PKIG: variants seen among roughly 807,000 people sequenced by gnomAD.
PKIG encodes cAMP-dependent protein kinase inhibitor gamma.
Under a neutral mutation model 6.8 loss-of-function variants are expected in PKIG, and 1 was observed. The observed-to-expected ratio is 0.15, with a 90% CI of 0.05 to 0.69. The LOEUF is 0.69. PKIG is among the 30% of genes least tolerant of loss of function. The pLI is 0.82. For missense variants in PKIG, 77 were observed against 104.0 expected, an observed-to-expected ratio of 0.74 and a Z score of 1.13; for synonymous variants, 39 against 43.0, an observed-to-expected ratio of 0.91 and a Z score of 0.36.
chr20:44,546,570 T>TTTTTTTTTTTTA (rs1568804725), intron 1 of PKIG, among the ~76,000 whole-genome samples: 8 of 151,640 alleles, frequency 5.3e-5, no homozygotes, highest in African/African-American at 7.3e-5. Flanking sequence ...CTTTTTTTTT[T>TTTTTTTTTTTTA]GAGACAGAGT....
At chr20:44,540,588 T>G (rs2064552649) in intron 1 of PKIG, among the ~76,000 whole-genome samples, 1 of 152,048 alleles carries the variant, frequency 6.6e-6, no homozygotes. Flanking sequence ...TGTTTTTGTT[T>G]GAGATGGAGT....
chr20:44,571,834 A>G (rs963399986), intron 1 of PKIG, among the ~76,000 whole-genome samples: 2 of 152,218 alleles, frequency 1.3e-5, no homozygotes, highest in Non-Finnish European at 2.9e-5. Context: ...GGCAATGGGC[A>G]TTGGTGAACA....
upstream of PKIG, among the ~76,000 whole-genome samples, chr20:44,579,326 G>A (rs2064927525): frequency 6.6e-6 from 1 of 152,238 alleles, no homozygotes; most frequent in South Asian, 2.1e-4. Context: ...AACAGCCAAA[G>A]TTTCCTTCAT....
intron 2 of PKIG, among the ~76,000 whole-genome samples, chr20:44,595,753 C>T (rs535740773): frequency 5.9e-5 from 9 of 152,186 alleles, no homozygotes; most frequent in African/African-American, 2.2e-4. Flanking sequence ...ACCTCGTGAT[C>T]CGCCAGCCTT....
intron 1 of PKIG, among the ~76,000 whole-genome samples, chr20:44,555,848 A>AT (rs1324578914): frequency 6.6e-6 from 1 of 151,930 alleles, no homozygotes; most frequent in Admixed American, 6.6e-5. Flanking sequence ...ATTTTATTTT[A>AT]TTTTTTTGAG....
chr20:44,541,196 G>A (rs1246534698), intron 1 of PKIG, among the ~76,000 whole-genome samples: 2 of 152,208 alleles, frequency 1.3e-5, no homozygotes, highest in Admixed American at 6.5e-5. Flanking sequence ...TAGTGACATC[G>A]GCAATGAAGG....
At chr20:44,568,632 G>A (rs187469485) in intron 1 of PKIG, among the ~76,000 whole-genome samples, 1 of 152,152 alleles carries the variant, frequency 6.6e-6, no homozygotes, top group Non-Finnish European at 1.5e-5. Flanking sequence ...TGTAATTTTA[G>A]TAGAGACGGC....
intron 1 of PKIG, chr20:44,532,041 CAG>C (rs1324508999): frequency 2.0e-5 from 3 of 152,184 alleles, no homozygotes; most frequent in Non-Finnish European, 4.4e-5. Context: ...CGACACGTCG[CAG>C]GGGGCGAGGG....
At chr20:44,586,648 C>T (rs774385865) in intron 1 of PKIG, among the ~76,000 whole-genome samples, 3 of 152,128 alleles carry the variant, frequency 2.0e-5, no homozygotes, top group East Asian at 1.9e-4. Flanking sequence ...AATGCTTTCA[C>T]GAGGGGCCAG....
intron 1 of PKIG, among the ~76,000 whole-genome samples, chr20:44,588,459 T>C (rs922117335): frequency 2.0e-5 from 3 of 151,750 alleles, no homozygotes. Context: ...CTGGCCAACA[T>C]GGTGAAACCC....
rs1368889340 is a variant in PKIG at position 44,574,352 on chromosome 20, T to TC, written c.-240-8233_-240-8232insC. Among the ~76,000 whole-genome samples the TC allele has an allele frequency of 4.6e-5, 7 of 152,244 alleles. No individual in the cohort carries two copies. In the East Asian group the frequency reaches 1.2e-3, roughly 25 times the overall value. Reference sequence around the variant, plus strand: ...ATATGCTTATCGAGATATGGTTTTTTTTAACTGTATTACAGAAATTTTGAA... The same window carrying TC: ...ATATGCTTATCGAGATATGGTTTTTTCTTAACTGTATTACAGAAATTTTGAA... On this transcript the variant is annotated intron_variant, in intron 1 of 4. Transcript: ENST00000372887.
chr20:44,599,601 A>G (rs1306755964), intron 2 of PKIG, among the ~76,000 whole-genome samples: 1 of 152,164 alleles, frequency 6.6e-6, no homozygotes, highest in Admixed American at 6.6e-5. Context: ...GCACACCTAT[A>G]GTCCCAGCTA....
upstream of PKIG, among the ~76,000 whole-genome samples, chr20:44,579,911 G>T (rs1547430): frequency 7.2e-5 from 11 of 152,082 alleles, no homozygotes; most frequent in East Asian, 1.9e-4. Context: ...TGGAATAAAG[G>T]CTCAGCCAAA....
chr20:44,549,282 A>G (rs756776757), intron 1 of PKIG, among the ~76,000 whole-genome samples: 6 of 152,198 alleles, frequency 3.9e-5, no homozygotes, highest in Non-Finnish European at 8.8e-5. Context: ...CGTACAAGAT[A>G]CAGTTTTATC....
intron 2 of PKIG, among the ~76,000 whole-genome samples, chr20:44,601,533 C>T (rs1393426194): frequency 6.6e-6 from 1 of 152,234 alleles, no homozygotes; most frequent in African/African-American, 2.4e-5. Flanking sequence ...CAGTGCCTCT[C>T]TTTTCTGGCT....
chr20:44,606,854 C>G (rs924281258), intron 2 of PKIG, among the ~76,000 whole-genome samples: 4 of 152,102 alleles, frequency 2.6e-5, no homozygotes, highest in African/African-American at 4.8e-5. Context: ...CCCCTTTTTG[C>G]CTTTCTGCCA....
intron 1 of PKIG, among the ~76,000 whole-genome samples, chr20:44,532,501 G>A (rs1296056364): frequency 6.6e-6 from 1 of 152,332 alleles, no homozygotes; most frequent in Middle Eastern, 3.4e-3. Context: ...CATTTATTGT[G>A]AGCCACGGCC....
At chr20:44,572,135 C>T (rs1344936534) in intron 1 of PKIG, among the ~76,000 whole-genome samples, 2 of 152,186 alleles carry the variant, frequency 1.3e-5, no homozygotes, top group Non-Finnish European at 2.9e-5. Context: ...TCCCCAGTAG[C>T]CGGGATTACA....
chr20:44,595,675 G>A (rs776371970), intron 2 of PKIG, among the ~76,000 whole-genome samples: 17 of 152,150 alleles, frequency 1.1e-4, no homozygotes, highest in South Asian at 2.1e-4. Flanking sequence ...CACCATGCCC[G>A]GCTAATTTTT....
Sources: allele counts gnomAD v4.1 joint callset (sites outside exome capture counted in the v4.1 genomes callset), GRCh38; gene constraint gnomAD v4.1.1; transcripts MANE v1.5; gene names NCBI Gene and HGNC (gene_info 2026-07-23, HGNC 2026-07-21).